Variants in CDH20 observed in about 807,000 individuals in gnomAD.
CDH20 encodes cadherin 20.
In CDH20, 29 loss-of-function variants were observed where a neutral mutation model predicts 74.2. The observed-to-expected ratio is 0.39, with a 90% CI of 0.29 to 0.53. CDH20 has a LOEUF of 0.53. CDH20 is among the 20% of genes least tolerant of loss of function. The pLI, the probability that CDH20 is intolerant of heterozygous loss-of-function variation, is 0.69. For missense variants in CDH20, 988 were observed against 1,048.3 expected (o/e 0.94, Z 0.79); for synonymous variants, 469 against 405.4 (o/e 1.16, Z -1.88).
chr18:61,492,673 C>T (rs967628877), intron 2 of CDH20, among the ~76,000 whole-genome samples: 10 of 152,202 alleles, frequency 6.6e-5, no homozygotes, highest in African/African-American at 2.4e-4. Flanking sequence ...AATGAAATGC[C>T]CTTCCCCTGG....
intron 1 of CDH20, among the ~76,000 whole-genome samples, chr18:61,451,070 A>C (rs925610363): frequency 6.6e-6 from 1 of 151,892 alleles, no homozygotes. Context: ...TTATATTTTG[A>C]TATATATTGC....
intron 1 of CDH20, among the ~76,000 whole-genome samples, chr18:61,447,859 A>G (rs932050795): frequency 1.3e-5 from 2 of 152,232 alleles, no homozygotes; most frequent in East Asian, 3.9e-4. Context: ...TCTTTTCAGT[A>G]ACATTCTACC....
At chr18:61,455,066 C>T (rs551036119) in intron 1 of CDH20, among the ~76,000 whole-genome samples, 205 of 152,330 alleles carry the variant, frequency 1.3e-3, no homozygotes, top group Non-Finnish European at 2.7e-3. Context: ...TCTGAAGTCA[C>T]TTCCAGCTCA....
chr18:61,490,286 A>G (rs1910907865), intron 1 of CDH20, 116 bp from the exon 2 acceptor site: 1 of 381,714 alleles, frequency 2.6e-6, no homozygotes, highest in South Asian at 3.3e-5. Flanking sequence ...ACCTGTTATG[A>G]CTTTTTAACT....
intron 1 of CDH20, among the ~76,000 whole-genome samples, chr18:61,371,657 C>G (rs964122377): frequency 6.6e-6 from 1 of 151,986 alleles, no homozygotes; most frequent in African/African-American, 2.4e-5. Context: ...AGGGTTTGGT[C>G]TCAAGAAAGG....
At chr18:61,472,931 G>C (rs1006568779) in intron 1 of CDH20, among the ~76,000 whole-genome samples, 1 of 152,224 alleles carries the variant, frequency 6.6e-6, no homozygotes, top group African/African-American at 2.4e-5. Context: ...TCTGTGAGTA[G>C]ATTAGGACGG....
At chr18:61,434,655 G>A (rs994604) in intron 1 of CDH20, among the ~76,000 whole-genome samples, 86,187 of 151,818 alleles carry the variant, frequency 0.57, 24,601 homozygotes, top group Admixed American at 0.63. Flanking sequence ...CATGAGGTCT[G>A]TGGGCTGCTC....
At chr18:61,351,007 CACA>C (rs1910287193) in intron 1 of CDH20, among the ~76,000 whole-genome samples, 4 of 152,284 alleles carry the variant, frequency 2.6e-5, no homozygotes, top group Admixed American at 2.6e-4. Flanking sequence ...TGATACAGCT[CACA>C]ACCTTTTCTT....
intron 5 of CDH20, among the ~76,000 whole-genome samples, chr18:61,504,916 G>A (rs899096165): frequency 1.8e-4 from 27 of 151,818 alleles, no homozygotes; most frequent in African/African-American, 6.5e-4. Flanking sequence ...ATTTCACAAA[G>A]GGTGCAAGTA....
At chr18:61,504,786 C>T (rs1911500793) in intron 5 of CDH20, among the ~76,000 whole-genome samples, 1 of 152,058 alleles carries the variant, frequency 6.6e-6, no homozygotes, top group Admixed American at 6.6e-5. Flanking sequence ...ATCAGCCAGA[C>T]CAAGCTAACC....
Position 61,536,551 on chromosome 18 carries a change from G to C in CDH20, c.1330G>C (p.Gly444Arg), listed in dbSNP as rs999040630. The C allele has an allele frequency of 2.5e-6, 4 of 1,612,954 alleles. No homozygotes were observed. The highest frequency in any genetic ancestry group is 3.3e-5 in the Admixed American group (2 of 60,024). Residue 444 changes from glycine (G) to arginine (R), a missense_variant, in exon 8 of 12, where the codon GGT (glycine) becomes CGT (arginine). By Grantham distance (125) the Gly-to-Arg change is moderately radical (BLOSUM62 -2). Around this residue, in one of 2 missense-constraint regions of CDH20, gnomAD observed 613 missense variants for 755.2 expected, o/e 0.81. Coordinates refer to ENST00000262717, the MANE Select transcript of CDH20 (RefSeq NM_031891.4). ...ATTTTTCTATGTTGACATTACAACA[G>C]GTGCCCTAATGACAGCAAGACCCCT... ...GRFFYVDITT[G>R]ALMTARPLDR...
chr18:61,478,934 CCATA>C (rs1910490241), intron 1 of CDH20, among the ~76,000 whole-genome samples: 1 of 151,702 alleles, frequency 6.6e-6, no homozygotes, highest in Admixed American at 6.6e-5. Flanking sequence ...TTGAAAGACA[CCATA>C]AATATAAATT....
chr18:61,489,351 A>G (rs997308774), intron 1 of CDH20, among the ~76,000 whole-genome samples: 1 of 152,150 alleles, frequency 6.6e-6, no homozygotes, highest in Admixed American at 6.5e-5. Context: ...CAGAGCTGCA[A>G]TCTCCAAATA....
intron 1 of CDH20, among the ~76,000 whole-genome samples, chr18:61,444,191 T>G (rs1027041005): frequency 5.9e-5 from 9 of 152,100 alleles, no homozygotes; most frequent in Non-Finnish European, 1.2e-4. Flanking sequence ...GCACCATAGA[T>G]TTCAACCTCC....
intron 1 of CDH20, among the ~76,000 whole-genome samples, chr18:61,452,404 G>A (rs1200262124): frequency 4.6e-5 from 7 of 152,016 alleles, no homozygotes; most frequent in South Asian, 2.1e-4. Flanking sequence ...ATCGTTCTAC[G>A]TTTGTTATCA....
chr18:61,468,599 G>A (rs557755468), intron 1 of CDH20, among the ~76,000 whole-genome samples: 2 of 152,184 alleles, frequency 1.3e-5, no homozygotes, highest in Admixed American at 1.3e-4. Flanking sequence ...TCCACTAAGT[G>A]TCTTCCAATT....
chr18:61,409,454 T>A (rs1437234219), intron 1 of CDH20, among the ~76,000 whole-genome samples: 1 of 152,120 alleles, frequency 6.6e-6, no homozygotes, highest in Non-Finnish European at 1.5e-5. Flanking sequence ...ATGGGGACAT[T>A]TGGACTCAGA....
intron 1 of CDH20, among the ~76,000 whole-genome samples, chr18:61,487,696 G>A (rs1910815188): frequency 6.6e-6 from 1 of 152,094 alleles, no homozygotes. Flanking sequence ...TAGAAAAGAG[G>A]GAGAGATGAA....
At chr18:61,371,081 A>G (rs1180562824) in intron 1 of CDH20, among the ~76,000 whole-genome samples, 1 of 152,102 alleles carries the variant, frequency 6.6e-6, no homozygotes, top group African/African-American at 2.4e-5. Flanking sequence ...CTGGATTAAG[A>G]ATGAATTTTA....
Sources: allele counts gnomAD v4.1 joint callset (sites outside exome capture counted in the v4.1 genomes callset), GRCh38; gene constraint gnomAD v4.1.1; regional missense constraint gnomAD v4.1.1; transcripts MANE v1.5; gene names NCBI Gene and HGNC (gene_info 2026-07-23, HGNC 2026-07-21).